MAGI2: variants seen among roughly 807,000 people sequenced by gnomAD.
MAGI2 encodes membrane-associated guanylate kinase, WW and PDZ domain-containing protein 2.
In MAGI2, 35 loss-of-function variants were observed where a neutral mutation model predicts 133.3. The ratio of observed to expected loss-of-function variants is 0.26; its 90% CI spans 0.20 to 0.35. The LOEUF (loss-of-function observed/expected upper bound fraction) is 0.35. Ranked by LOEUF, MAGI2 falls within the 10% of genes least tolerant of loss-of-function variation. The probability of loss-of-function intolerance (pLI) is 1.00; values close to 1 mark genes in which losing one functional copy is unlikely to be tolerated. For missense variants in MAGI2, 1,636 were observed against 1,863.4 expected (o/e 0.88, Z 2.25); for synonymous variants, 729 against 710.6 (o/e 1.03, Z -0.41).
chr7:78,724,421 G>C (rs1177488765), intron 2 of MAGI2, among the ~76,000 whole-genome samples: 1 of 152,204 alleles, frequency 6.6e-6, no homozygotes, highest in Non-Finnish European at 1.5e-5. Context: ...CATAGTTGTA[G>C]ATGGCAGGAA....
At chr7:78,515,107 C>A (rs1407083144) in intron 4 of MAGI2, among the ~76,000 whole-genome samples, 3 of 152,086 alleles carry the variant, frequency 2.0e-5, no homozygotes, top group Non-Finnish European at 4.4e-5. Context: ...GGGGAAGCTA[C>A]AAGATAATAG....
intron 2 of MAGI2, among the ~76,000 whole-genome samples, chr7:78,930,104 A>C (rs1270619834): frequency 6.6e-6 from 1 of 152,118 alleles, no homozygotes; most frequent in African/African-American, 2.4e-5. Flanking sequence ...TATGTGTTAA[A>C]GAAGAAAATG....
At chr7:78,694,577 C>T (rs1021281399) in intron 2 of MAGI2, among the ~76,000 whole-genome samples, 1 of 152,132 alleles carries the variant, frequency 6.6e-6, no homozygotes, top group African/African-American at 2.4e-5. Flanking sequence ...GTGCCCACAA[C>T]TTACTTTAAA....
intron 20 of MAGI2, among the ~76,000 whole-genome samples, chr7:78,081,164 C>A (rs937617031): frequency 1.3e-4 from 20 of 152,178 alleles, no homozygotes; most frequent in African/African-American, 4.6e-4. Context: ...CTATGCTCTT[C>A]ACAAGCAGAG....
At chr7:78,537,206 C>CACAG (rs1554463967) in intron 3 of MAGI2, among the ~76,000 whole-genome samples, 43 of 148,428 alleles carry the variant, frequency 2.9e-4, no homozygotes, top group Admixed American at 8.1e-4. Flanking sequence ...CACACACACA[C>CACAG]AGACACATTT....
At chr7:78,295,734 T>C (rs1797163738) in intron 9 of MAGI2, among the ~76,000 whole-genome samples, 1 of 152,172 alleles carries the variant, frequency 6.6e-6, no homozygotes, top group Admixed American at 6.6e-5. Context: ...ATTATGTCAG[T>C]AGCCCTCCCC....
chr7:79,184,808 TTTTTC>T lies in MAGI2; in HGVS notation c.302-177607_302-177603del, dbSNP rs1385839237. Among the ~76,000 whole-genome samples the T allele has an allele frequency of 3.3e-5, 5 of 151,844 alleles. 1 individual carries two copies. The highest frequency in any genetic ancestry group is 5.9e-5 in the Non-Finnish European group (4 of 67,952). On this transcript the variant is annotated intron_variant, in intron 1 of 21. Transcript: ENST00000354212. Reference sequence around the variant, plus strand: ...ATTGCTGTTTAAGTTTTGGATAACTTTTTTCTTTTCTTTTGAGTCTTTAAAAAAAT... The same window carrying T: ...ATTGCTGTTTAAGTTTTGGATAACTTTTTTCTTTTGAGTCTTTAAAAAAAT...
At chr7:78,924,785 G>A (rs1799556842) in intron 2 of MAGI2, among the ~76,000 whole-genome samples, 1 of 151,824 alleles carries the variant, frequency 6.6e-6, no homozygotes, top group South Asian at 2.1e-4. Flanking sequence ...CTTCTCATTT[G>A]TTGAACAACA....
At chr7:78,203,685 A>C (rs567905676) in intron 10 of MAGI2, among the ~76,000 whole-genome samples, 27 of 152,338 alleles carry the variant, frequency 1.8e-4, no homozygotes, top group African/African-American at 6.5e-4. Context: ...CAGAGTAAGG[A>C]ATTTTATATG....
chr7:79,272,817 A>G (rs1563067170), intron 1 of MAGI2, among the ~76,000 whole-genome samples: 1 of 152,060 alleles, frequency 6.6e-6, no homozygotes, highest in Admixed American at 6.6e-5. Flanking sequence ...TTAATTCACA[A>G]TCTCCTGCTC....
At chr7:78,085,476 T>C (rs1014757069) in intron 20 of MAGI2, among the ~76,000 whole-genome samples, 1 of 151,578 alleles carries the variant, frequency 6.6e-6, no homozygotes, top group Non-Finnish European at 1.5e-5. Context: ...TGAGCCATGA[T>C]TGCACCTCTG....
intron 2 of MAGI2, among the ~76,000 whole-genome samples, chr7:78,741,707 C>T (rs748386108): frequency 6.6e-6 from 1 of 151,944 alleles, no homozygotes; most frequent in Non-Finnish European, 1.5e-5. Flanking sequence ...TTCTGTCTGC[C>T]TTATTTATAT....
At chr7:79,430,994 A>G (rs939211832) in intron 1 of MAGI2, among the ~76,000 whole-genome samples, 1 of 152,232 alleles carries the variant, frequency 6.6e-6, no homozygotes, top group Non-Finnish European at 1.5e-5. Context: ...GCTTGAGGGA[A>G]TAACCTATTC....
At chr7:79,263,609 C>T (rs1333449312) in intron 1 of MAGI2, among the ~76,000 whole-genome samples, 1 of 152,080 alleles carries the variant, frequency 6.6e-6, no homozygotes, top group Non-Finnish European at 1.5e-5. Flanking sequence ...TATATTTATC[C>T]TGCAATCATG....
At chr7:78,214,867 TTC>T (rs749948782) in intron 10 of MAGI2, among the ~76,000 whole-genome samples, 3 of 152,236 alleles carry the variant, frequency 2.0e-5, no homozygotes, top group Non-Finnish European at 4.4e-5. Context: ...TGCAACTGAC[TTC>T]TCTTTCTCCC....
intron 2 of MAGI2, among the ~76,000 whole-genome samples, chr7:78,867,361 T>TA (rs1195265127): frequency 6.7e-6 from 1 of 149,876 alleles, no homozygotes; most frequent in Non-Finnish European, 1.5e-5. Flanking sequence ...TATGCAGCCA[T>TA]AAAAAATGAT....
chr7:78,165,438 T>C (rs1825528753), intron 15 of MAGI2, among the ~76,000 whole-genome samples: 1 of 152,198 alleles, frequency 6.6e-6, no homozygotes, highest in African/African-American at 2.4e-5. Flanking sequence ...CCTTTCTGTA[T>C]CTCTCATAAT....
intron 9 of MAGI2, among the ~76,000 whole-genome samples, chr7:78,283,201 A>C (rs1795804199): frequency 6.6e-6 from 1 of 152,128 alleles, no homozygotes; most frequent in East Asian, 1.9e-4. Flanking sequence ...CTAAAACTTA[A>C]GTACAGAGGA....
intron 1 of MAGI2, among the ~76,000 whole-genome samples, chr7:79,329,124 G>C (rs1050365591): frequency 3.3e-5 from 5 of 152,150 alleles, no homozygotes; most frequent in African/African-American, 7.2e-5. Flanking sequence ...ATACTACATA[G>C]TCACACACTG....
Sources: allele counts gnomAD v4.1 joint callset (sites outside exome capture counted in the v4.1 genomes callset), GRCh38; gene constraint gnomAD v4.1.1; transcripts MANE v1.5; gene names NCBI Gene and HGNC (gene_info 2026-07-23, HGNC 2026-07-21).